AGBL4: variants seen among roughly 807,000 people sequenced by gnomAD.
AGBL4 encodes AGBL carboxypeptidase 4.
A neutral mutation model predicts 66.4 loss-of-function variants in AGBL4; 58 were observed. That is an observed-to-expected ratio of 0.87 (90% CI 0.71 to 1.09). The LOEUF is 1.09. AGBL4 is among the 50% of genes least tolerant of loss of function. The pLI is 0.00. For synonymous variants in AGBL4, 234 were observed against 222.9 expected (o/e 1.05, Z -0.44); for missense variants, 579 against 631.0 (o/e 0.92, Z 0.88).
chr1:49,357,093 T>C (rs1181301821), intron 3 of AGBL4, among the ~76,000 whole-genome samples: 1 of 152,176 alleles, frequency 6.6e-6, no homozygotes, highest in East Asian at 1.9e-4. Context: ...TTTGTCCTAA[T>C]GGGCAAAGGT....
At chr1:48,918,091 A>T (rs563281336) in intron 5 of AGBL4, among the ~76,000 whole-genome samples, 1 of 152,328 alleles carries the variant, frequency 6.6e-6, no homozygotes, top group East Asian at 1.9e-4. Flanking sequence ...AAACAGATCA[A>T]TGCGGACACT....
intron 3 of AGBL4, among the ~76,000 whole-genome samples, chr1:49,600,169 T>C (rs927865700): frequency 3.9e-5 from 6 of 152,204 alleles, no homozygotes; most frequent in Non-Finnish European, 8.8e-5. Context: ...ATATCCCTGT[T>C]AATATTCTGA....
chr1:49,375,084 G>A (rs1214750562), intron 3 of AGBL4, among the ~76,000 whole-genome samples: 1 of 151,938 alleles, frequency 6.6e-6, no homozygotes, highest in Non-Finnish European at 1.5e-5. Context: ...CATGCCTCTG[G>A]ACCTTTGCAT....
intron 3 of AGBL4, among the ~76,000 whole-genome samples, chr1:49,460,656 TG>T (rs1646492060): frequency 6.6e-6 from 1 of 151,654 alleles, no homozygotes; most frequent in South Asian, 2.1e-4. Flanking sequence ...CCAAATACCT[TG>T]TTTTTTTCTT....
At chr1:49,257,958 G>C (rs1458220360) in intron 3 of AGBL4, among the ~76,000 whole-genome samples, 2 of 152,172 alleles carry the variant, frequency 1.3e-5, no homozygotes, top group Non-Finnish European at 2.9e-5. Context: ...ACTCCTCTGA[G>C]ACAAAACTTC....
intron 1 of AGBL4, among the ~76,000 whole-genome samples, chr1:49,929,614 T>C (rs1167580576): frequency 6.6e-6 from 1 of 151,816 alleles, no homozygotes; most frequent in Non-Finnish European, 1.5e-5. Flanking sequence ...GCTAACAGAA[T>C]TGATCACCAG....
intron 1 of AGBL4, among the ~76,000 whole-genome samples, chr1:50,019,304 TCTCACACACA>T (rs1662257405): frequency 2.1e-5 from 1 of 46,820 alleles, no homozygotes; most frequent in African/African-American, 5.7e-5. Context: ...TCTCTCTCTC[TCTCACACACA>T]CACACACACA....
chr1:49,395,845 A>G (rs939058403), intron 3 of AGBL4, among the ~76,000 whole-genome samples: 140 of 83,510 alleles, frequency 1.7e-3, no homozygotes, highest in African/African-American at 6.7e-3. Context: ...ATATATATAT[A>G]TATACACACA....
chr1:49,141,943 C>G (rs1276542776), intron 4 of AGBL4, among the ~76,000 whole-genome samples: 1 of 152,080 alleles, frequency 6.6e-6, no homozygotes, highest in African/African-American at 2.4e-5. Context: ...GGGTCATGGA[C>G]CAGTACCTGT....
intron 3 of AGBL4, among the ~76,000 whole-genome samples, chr1:49,260,984 C>G (rs79725939): frequency 0.99 from 149,231 of 150,272 alleles, 74,113 homozygotes; most frequent in East Asian, 1. Context: ...TTCATCCCTG[C>G]GATGCAAGGC....
At chr1:49,396,015 T>C (rs922347226) in intron 3 of AGBL4, among the ~76,000 whole-genome samples, 1 of 151,268 alleles carries the variant, frequency 6.6e-6, no homozygotes, top group Non-Finnish European at 1.5e-5. Flanking sequence ...GAAGACCCAG[T>C]GTCTACATCA....
chr1:49,963,917 T>C (rs1369364930), intron 1 of AGBL4, among the ~76,000 whole-genome samples: 2 of 151,904 alleles, frequency 1.3e-5, no homozygotes, highest in Non-Finnish European at 2.9e-5. Flanking sequence ...TAACTAAGAA[T>C]GGAATGGAAA....
chr1:48,801,314 C>A (rs917837894), intron 6 of AGBL4, among the ~76,000 whole-genome samples: 4 of 152,200 alleles, frequency 2.6e-5, no homozygotes, highest in African/African-American at 9.7e-5. Flanking sequence ...TTGGCTGCAG[C>A]TCCTGCACTT....
chr1:49,760,407 A>T (rs1652216943), intron 2 of AGBL4, among the ~76,000 whole-genome samples: 3 of 152,240 alleles, frequency 2.0e-5, no homozygotes, highest in Non-Finnish European at 4.4e-5. Context: ...CGGCCAACAC[A>T]TGTATGAAAA....
At chr1:49,731,755 G>T (rs765003786) in intron 2 of AGBL4, among the ~76,000 whole-genome samples, 1 of 152,068 alleles carries the variant, frequency 6.6e-6, no homozygotes, top group African/African-American at 2.4e-5. Context: ...ACCTTGAAAA[G>T]TATAAATATG....
At chr1:49,641,325 C>T (rs1037438548) in intron 3 of AGBL4, among the ~76,000 whole-genome samples, 2 of 152,006 alleles carry the variant, frequency 1.3e-5, no homozygotes, top group African/African-American at 4.8e-5. Context: ...ACTGTAATAG[C>T]CTTGGATCAC....
At chr1:48,781,725 T>C (rs986748773) in intron 6 of AGBL4, among the ~76,000 whole-genome samples, 7 of 152,208 alleles carry the variant, frequency 4.6e-5, no homozygotes, top group Non-Finnish European at 2.9e-5. Context: ...TTACTTGCAC[T>C]GAGGTAGAAT....
chr1:49,948,861 A>G (rs778896405), intron 1 of AGBL4, among the ~76,000 whole-genome samples: 29 of 151,892 alleles, frequency 1.9e-4, no homozygotes, highest in South Asian at 1.7e-3. Context: ...TATGGAGCCA[A>G]AAACGAGCCC....
intron 3 of AGBL4, among the ~76,000 whole-genome samples, chr1:49,603,507 A>G (rs1471822093): frequency 6.6e-6 from 1 of 151,096 alleles, no homozygotes; most frequent in Non-Finnish European, 1.5e-5. Flanking sequence ...CCTGGGCGAC[A>G]GAGCGAGACT....
Sources: gnomAD v4.1 joint callset for allele counts (sites outside exome capture counted in the v4.1 genomes callset) on GRCh38, gnomAD v4.1.1 for gene constraint, MANE v1.5 for transcripts, NCBI Gene and HGNC (gene_info 2026-07-23, HGNC 2026-07-21) for gene names.